The following AKAP6 variants were observed in gnomAD, a reference collection of about 807,000 sequenced individuals.
AKAP6 encodes the protein A-kinase anchoring protein 6, also known as A-kinase anchor protein 6.
A neutral mutation model predicts 188.5 loss-of-function variants in AKAP6; 58 were observed. That is an observed-to-expected ratio of 0.31 (90% CI 0.25 to 0.38). AKAP6 has a LOEUF of 0.38. AKAP6 is among the 10% of genes least tolerant of loss of function. The probability of loss-of-function intolerance (pLI) is 1.00; values close to 1 mark genes in which losing one functional copy is unlikely to be tolerated. For synonymous variants in AKAP6, 989 were observed against 998.6 expected (o/e 0.99, Z 0.18); for missense variants, 2,710 against 2,740.0 (o/e 0.99, Z 0.24).
intron 12 of AKAP6, among the ~76,000 whole-genome samples, chr14:32,777,927 T>G (rs2033117780): frequency 6.6e-6 from 1 of 152,130 alleles, no homozygotes; most frequent in Admixed American, 6.5e-5. Context: ...CAGTCCCAGC[T>G]ACTTGGGAGA....
intron 7 of AKAP6, among the ~76,000 whole-genome samples, chr14:32,608,421 A>T (rs1015956088): frequency 6.7e-6 from 1 of 148,756 alleles, no homozygotes; most frequent in African/African-American, 2.5e-5. Context: ...GATCGCTTGA[A>T]CCTGGGAGAT....
At chr14:32,802,557 A>G (rs1205311305) in intron 12 of AKAP6, among the ~76,000 whole-genome samples, 2 of 152,230 alleles carry the variant, frequency 1.3e-5, no homozygotes, top group Non-Finnish European at 2.9e-5. Flanking sequence ...AGAGGTAGCA[A>G]TCGGTTGCAA....
At chr14:32,813,667 T>A (rs1214935937) in intron 12 of AKAP6, among the ~76,000 whole-genome samples, 1 of 152,156 alleles carries the variant, frequency 6.6e-6, no homozygotes, top group African/African-American at 2.4e-5. Context: ...CACAGCTTCT[T>A]AATCAAAATA....
intron 10 of AKAP6, 28 bp from the exon 11 acceptor site, chr14:32,735,630 T>C: frequency 6.7e-7 from 1 of 1,487,668 alleles, no homozygotes; most frequent in Non-Finnish European, 9.1e-7. Flanking sequence ...GTTTGTTTTA[T>C]TTTTTGTTTT....
chr14:32,574,400 G>T (rs1884632357), intron 4 of AKAP6, among the ~76,000 whole-genome samples: 1 of 152,110 alleles, frequency 6.6e-6, no homozygotes, highest in Non-Finnish European at 1.5e-5. Flanking sequence ...GGACCAATGG[G>T]TTTTGTCTAA....
At chr14:32,638,549 T>G (rs1357232851) in intron 7 of AKAP6, among the ~76,000 whole-genome samples, 1 of 152,158 alleles carries the variant, frequency 6.6e-6, no homozygotes, top group African/African-American at 2.4e-5. Flanking sequence ...AAAATTGTTT[T>G]TGTTAAATAA....
In AKAP6 at chr14:32,832,320, T is replaced by C. The variant is rs2034828913; in HGVS notation, c.*2515T>C. On this transcript the variant is annotated 3_prime_UTR_variant, in exon 14 of 14. Transcript: ENST00000280979. ...TGGGATATGGTATTATTTTACATACTGACACAACCTAAATTTTCTTTGGGT... is the reference window on the plus strand; with the variant it reads ...TGGGATATGGTATTATTTTACATACCGACACAACCTAAATTTTCTTTGGGT... The C allele has an allele frequency of 6.6e-6, 1 of 152,166 alleles. No individual in the cohort carries two copies. Among genetic ancestry groups the C allele is most frequent in the African/African-American group, 2.4e-5 (1 of 41,446 alleles). 9.4% of individuals were successfully genotyped at this position (152,166 alleles called of 1,614,324 possible). A position where few individuals can be genotyped will look rare whatever the true frequency, so the allele number is the denominator to read the frequency against.
chr14:32,824,615 C>T lies in AKAP6; in HGVS notation c.6802C>T (p.His2268Tyr). The change falls in exon 13 of 14, where the codon CAT becomes TAT. Residue 2268 changes from histidine (H) to tyrosine (Y), a missense_variant. By Grantham distance (83) the His-to-Tyr change is moderately conservative. This residue lies in a region of AKAP6 where 2,473 missense variants were observed against 2,426.1 expected (regional missense o/e 1.02). Transcript: ENST00000280979. ...AGGTGAATCTGGAATGCCAGAAGAA[C>T]ATAATGCTGCTTCAGCCAAATCTAA... ...KPGESGMPEE[H>Y]NAASAKSKVQ... 6.2e-7 allele frequency: 1 copy of T among 1,613,918 alleles called. No homozygotes were observed. Among genetic ancestry groups the T allele is most frequent in the Non-Finnish European group, 8.5e-7 (1 of 1,179,934 alleles).
At chr14:32,547,136 A>AAAAAACAC in intron 4 of AKAP6, 137 bp downstream of exon 4, 1 of 906,282 alleles carries the variant, frequency 1.1e-6, no homozygotes, top group Non-Finnish European at 1.6e-6. Context: ...GAAAGAAAAG[A>AAAAAACAC]AAAAGCACAA....
At chr14:32,451,393 A>C (rs192015387) in intron 2 of AKAP6, among the ~76,000 whole-genome samples, 1 of 152,302 alleles carries the variant, frequency 6.6e-6, no homozygotes, top group African/African-American at 2.4e-5. Flanking sequence ...CCTGTTCTGC[A>C]GAGTTTGCAC....
intron 13 of AKAP6, 100 bp from the exon 14 acceptor site, chr14:32,829,748 C>A: frequency 1.8e-6 from 1 of 560,030 alleles, no homozygotes; most frequent in South Asian, 2.4e-5. Flanking sequence ...AGCAAGTAGT[C>A]CCACAATTGC....
At chr14:32,581,016 T>G (rs1207758490) in intron 5 of AKAP6, among the ~76,000 whole-genome samples, 1 of 152,156 alleles carries the variant, frequency 6.6e-6, no homozygotes, top group Non-Finnish European at 1.5e-5. Context: ...TAAACATACG[T>G]GTGCATGTGT....
chr14:32,771,353 A>AC (rs1268493750), intron 11 of AKAP6, among the ~76,000 whole-genome samples: 1 of 151,628 alleles, frequency 6.6e-6, no homozygotes, highest in East Asian at 1.9e-4. Context: ...AAAAAAAAAA[A>AC]AACCCTGCAG....
intron 7 of AKAP6, among the ~76,000 whole-genome samples, chr14:32,643,596 A>G (rs1164242009): frequency 1.3e-5 from 2 of 151,838 alleles, no homozygotes; most frequent in Non-Finnish European, 2.9e-5. Flanking sequence ...ATGAGCCACC[A>G]CACCTGGCCC....
intron 7 of AKAP6, among the ~76,000 whole-genome samples, chr14:32,655,055 C>T (rs1165900214): frequency 6.6e-6 from 1 of 151,858 alleles, no homozygotes; most frequent in African/African-American, 2.4e-5. Context: ...CAGAAAAATT[C>T]GTCAAATAGG....
At chr14:32,442,170 C>A (rs942703051) in intron 2 of AKAP6, among the ~76,000 whole-genome samples, 1 of 152,128 alleles carries the variant, frequency 6.6e-6, no homozygotes, top group Admixed American at 6.5e-5. Flanking sequence ...CTCACAATCA[C>A]CCTCTGTTAG....
chr14:32,391,301 G>A (rs1399180972), intron 1 of AKAP6, among the ~76,000 whole-genome samples: 1 of 152,120 alleles, frequency 6.6e-6, no homozygotes, highest in Non-Finnish European at 1.5e-5. Flanking sequence ...GTCTTATTTA[G>A]ATGTTTTTCT....
chr14:32,337,158 TA>T (rs1380858106), intron 1 of AKAP6, among the ~76,000 whole-genome samples: 1 of 152,138 alleles, frequency 6.6e-6, no homozygotes, highest in East Asian at 1.9e-4. Context: ...GGAGGTGGTA[TA>T]TGATGTGGTA....
In AKAP6 at chr14:32,615,167, C is replaced by CAAAAAAAAAAAAAAAAAAAAAAA. The variant is rs71115086; in HGVS notation, c.2730+14394_2730+14395insAAAAAAAAAAAAAAAAAAAAAAA. Among the ~76,000 whole-genome samples, 208 of 53,470 alleles carry CAAAAAAAAAAAAAAAAAAAAAAA rather than the reference C, an allele frequency of 3.9e-3. 38 individuals are homozygous for CAAAAAAAAAAAAAAAAAAAAAAA. Among genetic ancestry groups the CAAAAAAAAAAAAAAAAAAAAAAA allele is most frequent in the South Asian group, 7.0e-3 (8 of 1,140 alleles). 35.1% of individuals were successfully genotyped at this position (53,470 alleles called of 152,430 possible). A position where few individuals can be genotyped will look rare whatever the true frequency, so the allele number is the denominator to read the frequency against. ...CTGGCAACAGAGCAAGACTCTGTCT[C>CAAAAAAAAAAAAAAAAAAAAAAA]AAAAAAAAAAAAAAAAAAAGATAAA... On this transcript the variant is annotated intron_variant, in intron 7 of 13. Coordinates refer to ENST00000280979, the MANE Select transcript of AKAP6 (RefSeq NM_004274.5).
Sources: gnomAD v4.1 joint callset for allele counts (sites outside exome capture counted in the v4.1 genomes callset) on GRCh38, gnomAD v4.1.1 for gene constraint, gnomAD v4.1.1 regional missense constraint, MANE v1.5 for transcripts, NCBI Gene and HGNC (gene_info 2026-07-23, HGNC 2026-07-21) for gene names.